TUT4: variants seen among roughly 807,000 people sequenced by gnomAD.
The protein encoded by TUT4 is terminal uridylyltransferase 4.
In TUT4, 36 loss-of-function variants were observed where a neutral mutation model predicts 192.2. The ratio of observed to expected loss-of-function variants is 0.19; its 90% confidence interval spans 0.14 to 0.25. TUT4 has a LOEUF of 0.25. Ranked by LOEUF, TUT4 falls within the 10% of genes least tolerant of loss-of-function variation. The pLI is 1.00. For missense variants in TUT4, 1,493 were observed against 1,957.2 expected (o/e 0.76, Z 4.47); for synonymous variants, 618 against 666.0 (o/e 0.93, Z 1.11).
chr1:52,467,566 T>C (rs115541914), intron 15 of TUT4, among the ~76,000 whole-genome samples: 1,841 of 152,306 alleles, frequency 0.012, 50 homozygotes, highest in African/African-American at 0.043. Flanking sequence ...TCCAGTCTTA[T>C]AGCCCAGCAA....
chr1:52,440,532 C>T (rs1307622318), intron 24 of TUT4, among the ~76,000 whole-genome samples: 1 of 151,114 alleles, frequency 6.6e-6, no homozygotes, highest in African/African-American at 2.4e-5. Flanking sequence ...TAGTTTTTGC[C>T]AGGACAACAT....
intron 4 of TUT4, among the ~76,000 whole-genome samples, chr1:52,500,548 A>C (rs2149209121): frequency 6.6e-6 from 1 of 152,256 alleles, no homozygotes; most frequent in Non-Finnish European, 1.5e-5. Flanking sequence ...GGATCACCTG[A>C]GGTCAGGAAT....
chr1:52,503,050 C>T (rs764235162), intron 4 of TUT4, among the ~76,000 whole-genome samples: 1 of 152,192 alleles, frequency 6.6e-6, no homozygotes, highest in Non-Finnish European at 1.5e-5. Context: ...CACAATATTA[C>T]TCCCCAGATA....
Position 52,475,538 on chromosome 1 carries a change from A to G in TUT4, c.2024-3T>C, listed in dbSNP as rs756149946. 1.2e-6 allele frequency: 2 copies of G among 1,601,718 alleles called. No homozygotes were observed. Among genetic ancestry groups the G allele is most frequent in the Admixed American group, 1.7e-5 (1 of 57,946 alleles). ...ATTCCTCTTGACTGAAAATGGATCT[A>G]GCAAAAGAGAAAATGGTAAATAGCT... On this transcript the variant is annotated splice_region_variant and splice_polypyrimidine_tract_variant and intron_variant, in intron 12 of 29. Coordinates refer to ENST00000257177, the MANE Select transcript of TUT4 (RefSeq NM_001009881.3).
At chr1:52,482,074 T>C in intron 9 of TUT4, 151 bp from the exon 10 acceptor site, 1 of 539,858 alleles carries the variant, frequency 1.9e-6, no homozygotes, top group Non-Finnish European at 2.9e-6. Context: ...CACTCTAAAA[T>C]AACCATTAAA....
intron 26 of TUT4, among the ~76,000 whole-genome samples, chr1:52,435,754 A>C (rs12084715): frequency 0.028 from 4,215 of 152,282 alleles, 135 homozygotes; most frequent in African/African-American, 0.078. Context: ...TATTTGAGAA[A>C]TACTTTCTGG....
At chr1:52,461,270 T>TA in intron 18 of TUT4, 47 bp from the exon 19 acceptor site, 3 of 1,524,840 alleles carry the variant, frequency 2.0e-6, no homozygotes, top group Middle Eastern at 1.9e-4. Context: ...TTCGTAAAAT[T>TA]AAACTACAAA....
At chr1:52,444,819 T>C (rs1190550003) in intron 24 of TUT4, among the ~76,000 whole-genome samples, 1 of 151,444 alleles carries the variant, frequency 6.6e-6, no homozygotes, top group Non-Finnish European at 1.5e-5. Flanking sequence ...CTGGCTCTCC[T>C]TGCCCCTCAG....
intron 14 of TUT4, among the ~76,000 whole-genome samples, chr1:52,470,701 ACTAT>A (rs1384834703): frequency 6.6e-6 from 1 of 152,152 alleles, no homozygotes; most frequent in Non-Finnish European, 1.5e-5. Context: ...GAAAATGCAA[ACTAT>A]CTATAGTGAC....
At chr1:52,551,977 C>A (rs570149554) in intron 1 of TUT4, among the ~76,000 whole-genome samples, 1 of 152,152 alleles carries the variant, frequency 6.6e-6, no homozygotes, top group Non-Finnish European at 1.5e-5. Flanking sequence ...ATACACAATT[C>A]GAATTGCATT....
rs138482086 is a variant in TUT4, at chr1:52,466,877, G to A, written c.2965+1304C>T. 5.2e-3 allele frequency among the ~76,000 whole-genome samples: 788 copies of A among 151,898 alleles called. 9 individuals carry two copies. Among genetic ancestry groups the A allele is most frequent in the African/African-American group, 0.018 (765 of 41,446 alleles). On this transcript the variant is annotated intron_variant, in intron 15 of 29. Transcript: ENST00000257177. The stretch of plus-strand genomic sequence containing the variant: ...GAGACGGGTTTTGCCATATTGGCCA[G>A]ACTCGTCTCGAACTCCTGACCTCAG...
Position 52,435,481 on chromosome 1 carries a change from A to G in TUT4, c.4163-16T>C. On this transcript the variant is annotated splice_polypyrimidine_tract_variant and intron_variant, in intron 26 of 29. Transcript: ENST00000257177. ...AGCTGGGCTGCTAAGAGAAGGCATC[A>G]CAAAGAAAATCAACAGATAAGGAAA... 3 of 1,605,354 alleles carry G rather than the reference A, an allele frequency of 1.9e-6. No homozygotes were observed. The highest frequency in any genetic ancestry group is 2.6e-6 in the Non-Finnish European group (3 of 1,172,184).
intron 14 of TUT4, among the ~76,000 whole-genome samples, chr1:52,470,471 C>T (rs1665438989): frequency 1.3e-5 from 2 of 151,652 alleles, no homozygotes; most frequent in Non-Finnish European, 2.9e-5. Flanking sequence ...ATACCCAGAC[C>T]CACCCAGCCA....
At chr1:52,533,742 T>C (rs1008479061) in intron 1 of TUT4, among the ~76,000 whole-genome samples, 2 of 152,010 alleles carry the variant, frequency 1.3e-5, no homozygotes, top group Non-Finnish European at 2.9e-5. Flanking sequence ...CTAAGGCAGG[T>C]AGATCACTTG....
At chr1:52,531,388 G>T (rs2985455) in intron 1 of TUT4, among the ~76,000 whole-genome samples, 3 of 152,020 alleles carry the variant, frequency 2.0e-5, no homozygotes, top group African/African-American at 7.2e-5. Context: ...ATGGCTGTAA[G>T]AAGTGATCCT....
rs368051640 is a variant in TUT4 at position 52,438,064 on chromosome 1, T to C, written c.3938+156A>G. Among the ~76,000 whole-genome samples the C allele has an allele frequency of 1.1e-4, 16 of 152,312 alleles. No homozygotes were observed. The South Asian group carries it at 3.3e-3, about 32-fold the overall frequency. ...ATACTATTATACCACATGCAAATCT[T>C]ACCCTATTACAAAATTCCACTCAAA... On this transcript the variant is annotated intron_variant, in intron 25 of 29. Coordinates refer to ENST00000257177, the MANE Select transcript of TUT4 (RefSeq NM_001009881.3).
At chr1:52,473,855 CT>C (rs140855331) in intron 13 of TUT4, among the ~76,000 whole-genome samples, 1,817 of 152,222 alleles carry the variant, frequency 0.012, 47 homozygotes, top group African/African-American at 0.042. Flanking sequence ...TTATCGCTTA[CT>C]TCCTGTTCAA....
At chr1:52,453,865 A>G (rs891691465) in intron 20 of TUT4, among the ~76,000 whole-genome samples, 4 of 152,250 alleles carry the variant, frequency 2.6e-5, no homozygotes, top group African/African-American at 9.6e-5. Context: ...CTCCAAGAAT[A>G]AGCAATTACA....
chr1:52,527,599 A>G (rs1215809001), intron 1 of TUT4, among the ~76,000 whole-genome samples: 1 of 152,098 alleles, frequency 6.6e-6, no homozygotes, highest in Non-Finnish European at 1.5e-5. Context: ...AAAAAAACAA[A>G]AGTAATAGTA....
Sources: allele counts gnomAD v4.1 joint callset (sites outside exome capture counted in the v4.1 genomes callset), GRCh38; gene constraint gnomAD v4.1.1; transcripts MANE v1.5; gene names NCBI Gene and HGNC (gene_info 2026-07-23, HGNC 2026-07-21).